CFAP70: variants seen among roughly 807,000 people sequenced by gnomAD.
The protein encoded by CFAP70 is cilia- and flagella-associated protein 70.
A neutral mutation model predicts 137.6 loss-of-function variants in CFAP70; 81 were observed. The ratio of observed to expected loss-of-function variants is 0.59; its 90% CI spans 0.49 to 0.71. The LOEUF (loss-of-function observed/expected upper bound fraction) is 0.71. Ranked by LOEUF, CFAP70 falls within the 30% of genes least tolerant of loss-of-function variation. CFAP70 has a pLI of 0.00. For missense variants in CFAP70, 976 were observed against 1,226.7 expected (o/e 0.80, Z 3.05); for synonymous variants, 382 against 423.6 (o/e 0.90, Z 1.20).
exon 7 of CFAP70, chr10:73,335,443 A>G (rs1236318405): frequency 6.2e-7 from 1 of 1,609,818 alleles, no homozygotes. Flanking sequence ...ACCACTGCAG[A>G]AGGATCAAGG....
chr10:73,351,069 G>GTA (rs1367174993), intron 3 of CFAP70, among the ~76,000 whole-genome samples: 1,875 of 49,996 alleles, frequency 0.038, 23 homozygotes, highest in Non-Finnish European at 0.046. Context: ...GTGTGTGTGT[G>GTA]TGTATATATA....
At chr10:73,324,877 G>C (rs2051242836) in intron 8 of CFAP70, among the ~76,000 whole-genome samples, 1 of 152,226 alleles carries the variant, frequency 6.6e-6, no homozygotes, top group Non-Finnish European at 1.5e-5. Flanking sequence ...ACCTGAAAGT[G>C]ACAGGGAGAA....
chr10:73,343,003 G>A (rs1391585958), intron 5 of CFAP70, among the ~76,000 whole-genome samples: 1 of 152,046 alleles, frequency 6.6e-6, no homozygotes, highest in East Asian at 1.9e-4. Context: ...AAGGTCAGGA[G>A]ATCGAGACCA....
At position 73,341,384 on chromosome 10, in the gene CFAP70, A is replaced by AT; in HGVS notation, c.582+14dup. On this transcript the variant is annotated intron_variant, in intron 6 of 26. Coordinates refer to ENST00000310715, the Ensembl canonical transcript of CFAP70. ...CACTAAGTTTATCACAAAAACCTGT[A>AT]TATCAGGCTCTCACCTCAGGATGGT... The AT allele has an allele frequency of 6.3e-7, 1 of 1,589,368 alleles. No homozygotes were observed. Among genetic ancestry groups the AT allele is most frequent in the Non-Finnish European group, 8.6e-7 (1 of 1,166,964 alleles).
chr10:73,322,053 G>C (rs2050907854), intron 9 of CFAP70, among the ~76,000 whole-genome samples: 1 of 152,090 alleles, frequency 6.6e-6, no homozygotes, highest in Non-Finnish European at 1.5e-5. Flanking sequence ...CACAGTGCTG[G>C]GATTACAGGT....
intron 19 of CFAP70, among the ~76,000 whole-genome samples, chr10:73,283,164 A>G (rs760739806): frequency 2.6e-5 from 4 of 152,122 alleles, no homozygotes; most frequent in Non-Finnish European, 5.9e-5. Flanking sequence ...TCTTTCTATT[A>G]CTGATAACTA....
At chr10:73,287,524 A>G (rs1248762419) in intron 19 of CFAP70, among the ~76,000 whole-genome samples, 1 of 152,106 alleles carries the variant, frequency 6.6e-6, no homozygotes, top group Non-Finnish European at 1.5e-5. Flanking sequence ...TTTCTATTTT[A>G]TTATTTATTA....
At chr10:73,286,707 A>AT (rs1325076827) in intron 19 of CFAP70, among the ~76,000 whole-genome samples, 5 of 152,184 alleles carry the variant, frequency 3.3e-5, no homozygotes, top group African/African-American at 1.2e-4. Context: ...CACACACAGA[A>AT]ATATAGAGTG....
chr10:73,280,066 C>T (rs1222449169), intron 19 of CFAP70, among the ~76,000 whole-genome samples: 1 of 152,114 alleles, frequency 6.6e-6, no homozygotes, highest in Non-Finnish European at 1.5e-5. Context: ...TTTTAGCTAT[C>T]CCGGTGATAA....
intron 26 of CFAP70, among the ~76,000 whole-genome samples, chr10:73,255,302 G>A (rs1252728676): frequency 2.0e-5 from 3 of 152,032 alleles, no homozygotes; most frequent in South Asian, 2.1e-4. Context: ...AGGCTGAAGC[G>A]GAGAATGGCC....
intron 26 of CFAP70, among the ~76,000 whole-genome samples, chr10:73,254,660 A>G (rs1445438127): frequency 1.3e-5 from 2 of 152,236 alleles, no homozygotes; most frequent in Admixed American, 1.3e-4. Flanking sequence ...ATTGGGTAGG[A>G]CACCTGGAGA....
intron 25 of CFAP70, among the ~76,000 whole-genome samples, chr10:73,265,626 C>T (rs535915192): frequency 4.6e-5 from 7 of 152,224 alleles, no homozygotes; most frequent in South Asian, 4.1e-4. Flanking sequence ...AACTTGCGCA[C>T]GCTCATTTTC....
chr10:73,254,792 G>C (rs1174323895), intron 26 of CFAP70, among the ~76,000 whole-genome samples: 1 of 152,194 alleles, frequency 6.6e-6, no homozygotes, highest in African/African-American at 2.4e-5. Flanking sequence ...TACGCTGGCT[G>C]TCTTGCAACT....
intron 19 of CFAP70, among the ~76,000 whole-genome samples, chr10:73,288,006 T>C (rs2047875866): frequency 6.6e-6 from 1 of 152,136 alleles, no homozygotes; most frequent in African/African-American, 2.4e-5. Context: ...CAAGTGATTC[T>C]CCTGCCTCAG....
intron 12 of CFAP70, among the ~76,000 whole-genome samples, chr10:73,305,650 A>G (rs1026759381): frequency 1.3e-5 from 2 of 152,248 alleles, no homozygotes; most frequent in Admixed American, 1.3e-4. Context: ...GAAATCTGTC[A>G]AAACACTGGC....
At position 73,350,146 on chromosome 10, in the gene CFAP70, T is replaced by C. The variant is rs145290968; in HGVS notation, c.251-1625A>G. 1.9e-4 allele frequency among the ~76,000 whole-genome samples: 29 copies of C among 152,328 alleles called. No homozygotes were observed. In the East Asian group the frequency reaches 4.2e-3, roughly 22 times the overall value. On this transcript the variant is annotated intron_variant, in intron 3 of 26. Coordinates refer to ENST00000310715, the Ensembl canonical transcript of CFAP70. ...AGTCCCCCCTTTCCACATACTTCTC[T>C]CAAACACTTCTCTCTTTTGTTGAAG...
chr10:73,340,552 C>G lies in CFAP70; in HGVS notation c.582+847G>C, dbSNP rs140836176. ...GCACCTGCCCCTTTTTGCCCAGGAG[C>G]CTGTCTGCCTCCTGCTGCCATCCAC... On this transcript the variant is annotated intron_variant, in intron 6 of 26. Transcript: ENST00000310715. Among the ~76,000 whole-genome samples, 114 of 152,308 alleles carry G rather than the reference C, an allele frequency of 7.5e-4. 1 individual carries two copies. The highest frequency in any genetic ancestry group is 2.6e-3 in the African/African-American group (110 of 41,570).
chr10:73,355,581 G>A (rs2054611056), intron 1 of CFAP70, among the ~76,000 whole-genome samples: 1 of 152,156 alleles, frequency 6.6e-6, no homozygotes, highest in Non-Finnish European at 1.5e-5. Context: ...TTCGAGATCA[G>A]CCTGTCCAAT....
chr10:73,290,125 A>G (rs2048064257), intron 19 of CFAP70, among the ~76,000 whole-genome samples: 3 of 152,154 alleles, frequency 2.0e-5, no homozygotes, highest in Non-Finnish European at 1.5e-5. Flanking sequence ...CAACACAGGT[A>G]TCTATCAACA....
Sources: gnomAD v4.1 joint callset for allele counts (sites outside exome capture counted in the v4.1 genomes callset) on GRCh38, gnomAD v4.1.1 for gene constraint, MANE v1.5 for transcripts, NCBI Gene and HGNC (gene_info 2026-07-23, HGNC 2026-07-21) for gene names.